ABHD16B: variants seen among roughly 807,000 people sequenced by gnomAD.
The protein encoded by ABHD16B is abhydrolase domain-containing protein 16B.
In ABHD16B, 14 loss-of-function variants were observed where a neutral mutation model predicts 10.5. That is an observed-to-expected ratio of 1.33 (90% CI 0.88 to 2.08). The LOEUF (loss-of-function observed/expected upper bound fraction) is 2.08, where lower values mean the gene tolerates loss of function less well. Among genes scored for constraint, ABHD16B ranks in the 30% most tolerant of loss-of-function variants. ABHD16B has a pLI of 0.00. For missense variants in ABHD16B, 763 were observed against 717.4 expected (o/e 1.06, Z -0.73); for synonymous variants, 374 against 337.9 (o/e 1.11, Z -1.17).
Position 63,862,547 on chromosome 20 carries a change from C to G in ABHD16B, c.1007C>G (p.Pro336Arg). ...STSGRLRPLS[P>R]GDVEGNRGNE... ...TCGGGCCGCCTGCGCCCCCTGTCAC[C>G]TGGTGACGTGGAGGGCAACCGGGGC... is the stretch of plus-strand genomic sequence containing the variant. The change falls in exon 1 of 1, where the codon CCT (proline) becomes CGT (arginine). Residue 336 changes from proline to arginine, a missense_variant. Transcript: ENST00000369916. The surrounding 1 kb of genome is among the most constrained non-coding windows in gnomAD (Gnocchi z 7.5). The G allele has an allele frequency of 6.4e-7, 1 of 1,572,292 alleles. No homozygotes were observed. Among genetic ancestry groups the G allele is most frequent in the Non-Finnish European group, 8.6e-7 (1 of 1,164,668 alleles).
chr20:63,861,776 C>T lies in ABHD16B; in HGVS notation c.236C>T (p.Ala79Val), dbSNP rs765475843. ...GCGCTGGGGCGGCCTCCACGTGGGG[C>T]GCGCAGCCAGGCGCAGTGCCTCTTG... ...GDALGRPPRG[A>V]RSQAQCLLQQ... Residue 79 changes from alanine (A) to valine (V), a missense_variant, in exon 1 of 1, where the codon GCG (alanine) becomes GTG (valine). Ala to Val is a moderately conservative substitution (Grantham distance 64). Transcript: ENST00000369916. This position sits in a 1 kb window ranked among gnomAD's most constrained non-coding sequence, Gnocchi z 5.4. 16 of 1,430,246 alleles carry T rather than the reference C, an allele frequency of 1.1e-5. No individual in the cohort carries two copies. In the East Asian group the frequency reaches 1.2e-4, roughly 10 times the overall value. The allele number at this position is 1,430,246 out of a possible 1,614,324, so 88.6% of individuals were successfully genotyped here. A position where few individuals can be genotyped will look rare whatever the true frequency, so the allele number is the denominator to read the frequency against.
Position 63,862,982 on chromosome 20 carries a change from G to C in ABHD16B, c.*32G>C, listed in dbSNP as rs752519439. 1.0e-5 allele frequency: 12 copies of C among 1,186,268 alleles called. No homozygotes were observed. The highest frequency in any genetic ancestry group is 4.2e-5 in the Admixed American group (1 of 23,792). The allele number at this position is 1,186,268 out of a possible 1,614,324, so 73.5% of individuals were successfully genotyped here. A position where few individuals can be genotyped will look rare whatever the true frequency, so the allele number is the denominator to read the frequency against. On this transcript the variant is annotated 3_prime_UTR_variant, in exon 1 of 1. Coordinates refer to ENST00000369916, the MANE Select transcript of ABHD16B (RefSeq NM_080622.4). The surrounding 1 kb of genome is among the most constrained non-coding windows in gnomAD (Gnocchi z 7.5). ...TGCCCCAGTGGGGGATCACGCACTTGAACTCCTGGCCTTCTTGGTTCACCT... is the reference window on the plus strand; with the variant it reads ...TGCCCCAGTGGGGGATCACGCACTTCAACTCCTGGCCTTCTTGGTTCACCT...
rs748828615 is a variant in ABHD16B at position 63,862,496 on chromosome 20, G to A, written c.956G>A (p.Arg319His). Residue 319 changes from arginine (R) to histidine (H), a missense_variant, in exon 1 of 1, where the codon CGC becomes CAC. Physicochemically the swap from Arg to His is conservative, Grantham distance 29. Coordinates refer to ENST00000369916, the MANE Select transcript of ABHD16B (RefSeq NM_080622.4). The surrounding 1 kb of genome is among the most constrained non-coding windows in gnomAD (Gnocchi z 7.5). ...CCGGGGCCGGTGCTGCTGCTCCGAC[G>A]CACGCAGGATGACGTGGTCAGCACT... ...CYPGPVLLLR[R>H]TQDDVVSTSG... The A allele has an allele frequency of 8.9e-6, 14 of 1,565,412 alleles. No homozygotes were observed. The East Asian group carries it at 1.2e-4, about 13-fold the overall frequency.
rs527950014 is a variant in ABHD16B, at chr20:63,862,470, C to A, written c.930C>A (p.Tyr310Ter). The part of the protein sequence containing the change: ...NLNVAEQLCC[Y>*]PGPVLLLRRT... Reference sequence around the variant, plus strand: ...ACGTGGCCGAGCAGCTGTGCTGCTACCCGGGGCCGGTGCTGCTGCTCCGAC... The same window carrying A: ...ACGTGGCCGAGCAGCTGTGCTGCTAACCGGGGCCGGTGCTGCTGCTCCGAC... The change falls in exon 1 of 1, where the codon TAC (tyrosine) becomes TAA (stop). Residue 310 changes from tyrosine to a stop codon, truncating the protein, a stop_gained. Coordinates refer to ENST00000369916, the MANE Select transcript of ABHD16B (RefSeq NM_080622.4). LOFTEE classifies it low-confidence loss of function (END_TRUNC). This position sits in a 1 kb window ranked among gnomAD's most constrained non-coding sequence, Gnocchi z 7.5. 6.4e-6 allele frequency: 10 copies of A among 1,564,702 alleles called. No homozygotes were observed. The highest frequency in any genetic ancestry group is 8.6e-6 in the Non-Finnish European group (10 of 1,160,392).
chr20:63,862,404 G>C lies in ABHD16B; in HGVS notation c.864G>C (p.Lys288Asn). ...LALKVMPHSW[K>N]GLVVRTVREH... The stretch of plus-strand genomic sequence containing the variant: ...TGAAGGTCATGCCCCACAGTTGGAA[G>C]GGGCTGGTGGTGCGCACCGTGCGCG... The change falls in exon 1 of 1, where the codon AAG becomes AAC. Residue 288 changes from lysine (K) to asparagine (N), a missense_variant. Physicochemically the swap from Lys to Asn is moderately conservative, Grantham distance 94. Coordinates refer to ENST00000369916, the MANE Select transcript of ABHD16B (RefSeq NM_080622.4). This position sits in a 1 kb window ranked among gnomAD's most constrained non-coding sequence, Gnocchi z 7.5. The C allele has an allele frequency of 1.9e-6, 3 of 1,598,260 alleles. No homozygotes were observed. The highest frequency in any genetic ancestry group is 2.6e-6 in the Non-Finnish European group (3 of 1,174,258).
In ABHD16B at chr20:63,861,890, C is replaced by A. The variant is rs1312489186; in HGVS notation, c.350C>A (p.Ser117Tyr). ...GRWLVYPGSVSLMTRALLPLL... is the reference protein window; with the variant it reads ...GRWLVYPGSVYLMTRALLPLL... ...TGGCTCGTGTACCCCGGCTCCGTGT[C>A]CCTGATGACGCGCGCGCTGCTGCCG... The change falls in exon 1 of 1, where the codon TCC becomes TAC. Residue 117 changes from serine (S) to tyrosine (Y), a missense_variant. Ser to Tyr is a moderately radical substitution (Grantham distance 144). Transcript: ENST00000369916. This position sits in a 1 kb window ranked among gnomAD's most constrained non-coding sequence, Gnocchi z 5.4. 1.9e-6 allele frequency: 3 copies of A among 1,581,190 alleles called. No individual in the cohort carries two copies. Among genetic ancestry groups the A allele is most frequent in the African/African-American group, 1.3e-5 (1 of 74,284 alleles).
At position 63,861,861 on chromosome 20, in the gene ABHD16B, C is replaced by T. The variant is rs1600759983; in HGVS notation, c.321C>T (p.Gly107=). Residue 107 remains glycine, a synonymous_variant, in exon 1 of 1, where the codon GGC becomes GGT. Transcript: ENST00000369916. The surrounding 1 kb of genome is among the most constrained non-coding windows in gnomAD (Gnocchi z 5.4). ...LASYALAHSL[G]RWLVYPGSVS... ...GCTACGCGCTGGCCCACTCGCTGGG[C>T]CGCTGGCTCGTGTACCCCGGCTCCG... 1.3e-6 allele frequency: 2 copies of T among 1,535,680 alleles called. No individual in the cohort carries two copies. Among genetic ancestry groups the T allele is most frequent in the African/African-American group, 1.4e-5 (1 of 73,478 alleles).
At position 63,862,526 on chromosome 20, in the gene ABHD16B, G is replaced by T. The variant is rs1432289870; in HGVS notation, c.986G>T (p.Gly329Val). Residue 329 changes from glycine (G) to valine (V), a missense_variant, in exon 1 of 1, where the codon GGC becomes GTC. Gly to Val is a moderately radical substitution (Grantham distance 109). Transcript: ENST00000369916. This position sits in a 1 kb window ranked among gnomAD's most constrained non-coding sequence, Gnocchi z 7.5. ...CAGGATGACGTGGTCAGCACTTCGG[G>T]CCGCCTGCGCCCCCTGTCACCTGGT... ...RTQDDVVSTS[G>V]RLRPLSPGDV... 1 of 1,568,624 alleles carries T rather than the reference G, an allele frequency of 6.4e-7. No individual in the cohort carries two copies.
chr20:63,861,879 C>A lies in ABHD16B; in HGVS notation c.339C>A (p.Pro113=), dbSNP rs775337797. 42 of 1,575,638 alleles carry A rather than the reference C, an allele frequency of 2.7e-5. No homozygotes were observed. The highest frequency in any genetic ancestry group is 3.5e-5 in the Non-Finnish European group (41 of 1,167,962). The change falls in exon 1 of 1, where the codon CCC becomes CCA. Residue 113 remains proline (P), a synonymous_variant. Coordinates refer to ENST00000369916, the MANE Select transcript of ABHD16B (RefSeq NM_080622.4). The surrounding 1 kb of genome is among the most constrained non-coding windows in gnomAD (Gnocchi z 5.4). ...CGCTGGGCCGCTGGCTCGTGTACCC[C>A]GGCTCCGTGTCCCTGATGACGCGCG... ...AHSLGRWLVY[P]GSVSLMTRAL... is the part of the protein sequence containing the mutation.
chr20:63,862,677 G>A lies in ABHD16B; in HGVS notation c.1137G>A (p.Gln379=), dbSNP rs777348156. The A allele has an allele frequency of 2.2e-4, 343 of 1,535,614 alleles. No homozygotes were observed. The highest frequency in any genetic ancestry group is 2.8e-4 in the Non-Finnish European group (318 of 1,145,672). The part of the protein sequence containing the change: ...TRWLRAGSLA[Q]EAAFYARYRV... ...GGCTGCGCGCTGGCAGCTTGGCGCAGGAGGCCGCCTTCTATGCACGCTACC... is the reference window on the plus strand; with the variant it reads ...GGCTGCGCGCTGGCAGCTTGGCGCAAGAGGCCGCCTTCTATGCACGCTACC... Residue 379 remains glutamine, a synonymous_variant, in exon 1 of 1, where the codon CAG becomes CAA. Transcript: ENST00000369916. The surrounding 1 kb of genome is among the most constrained non-coding windows in gnomAD (Gnocchi z 7.5).
Position 63,862,425 on chromosome 20 carries a change from G to GC in ABHD16B, c.886dup (p.Arg296ProfsTer28). On this transcript the variant is annotated frameshift_variant, in exon 1 of 1. Transcript: ENST00000369916. LOFTEE classifies it low-confidence loss of function (END_TRUNC). This position sits in a 1 kb window ranked among gnomAD's most constrained non-coding sequence, Gnocchi z 7.5. ...GGAAGGGGCTGGTGGTGCGCACCGT[G>GC]CGCGAGCACTTCAACCTCAACGTGG... The GC allele has an allele frequency of 6.3e-7, 1 of 1,583,370 alleles. No individual in the cohort carries two copies. Among genetic ancestry groups the GC allele is most frequent in the Non-Finnish European group, 8.6e-7 (1 of 1,168,182 alleles).
Position 63,862,811 on chromosome 20 carries a change from G to C in ABHD16B, c.1271G>C (p.Trp424Ser). ...ALGPHGPAFP[W>S]LVGQGLSSRR... Reference sequence around the variant, plus strand: ...GGGCCACACGGACCCGCCTTCCCATGGCTGGTGGGCCAGGGCCTGAGCTCG... The same window carrying C: ...GGGCCACACGGACCCGCCTTCCCATCGCTGGTGGGCCAGGGCCTGAGCTCG... The change falls in exon 1 of 1, where the codon TGG becomes TCG. Residue 424 changes from tryptophan (W) to serine (S), a missense_variant. Transcript: ENST00000369916. This position sits in a 1 kb window ranked among gnomAD's most constrained non-coding sequence, Gnocchi z 7.5. 1.3e-6 allele frequency: 2 copies of C among 1,535,070 alleles called. No individual in the cohort carries two copies. Among genetic ancestry groups the C allele is most frequent in the Non-Finnish European group, 1.7e-6 (2 of 1,145,312 alleles).
Position 63,861,525 on chromosome 20 carries a change from G to A in ABHD16B, c.-16G>A, listed in dbSNP as rs373989447. 4.5e-6 allele frequency: 7 copies of A among 1,541,552 alleles called. No homozygotes were observed. The highest frequency in any genetic ancestry group is 4.9e-5 in the East Asian group (2 of 41,000). ...GGCGATCCCGGCCCAGCGGCTGGGC[G>A]TTAGGGCCACCGCTCATGTGCGTCA... On this transcript the variant is annotated 5_prime_UTR_variant, in exon 1 of 1. Coordinates refer to ENST00000369916, the MANE Select transcript of ABHD16B (RefSeq NM_080622.4). The surrounding 1 kb of genome is among the most constrained non-coding windows in gnomAD (Gnocchi z 5.4).
In ABHD16B at chr20:63,862,248, C is replaced by A; in HGVS notation, c.708C>A (p.Phe236Leu). The A allele has an allele frequency of 1.9e-6, 3 of 1,611,920 alleles. No individual in the cohort carries two copies. The highest frequency in any genetic ancestry group is 2.5e-6 in the Non-Finnish European group (3 of 1,179,686). ...AGTACGCACTGCACCGCCTGCACTT[C>A]CCGCCCGCGCACCTGGTGGTCTACG... Reference protein sequence around the residue: ...VVEYALHRLHFPPAHLVVYGW... With the variant: ...VVEYALHRLHLPPAHLVVYGW... The change falls in exon 1 of 1, where the codon TTC becomes TTA. Residue 236 changes from phenylalanine (F) to leucine (L), a missense_variant. Transcript: ENST00000369916. The surrounding 1 kb of genome is among the most constrained non-coding windows in gnomAD (Gnocchi z 7.5).
Position 63,862,204 on chromosome 20 carries a change from G to A in ABHD16B, c.664G>A (p.Ala222Thr). 4.3e-6 allele frequency: 7 copies of A among 1,611,296 alleles called. No individual in the cohort carries two copies. The highest frequency in any genetic ancestry group is 5.9e-6 in the Non-Finnish European group (7 of 1,179,622). ...GVPFPQHDAN[A>T]MDVVVEYALH... ...GCCCTTCCCTCAGCACGACGCCAAC[G>A]CCATGGACGTGGTGGTCGAGTACGC... Residue 222 changes from alanine to threonine, a missense_variant, in exon 1 of 1, where the codon GCC becomes ACC. Coordinates refer to ENST00000369916, the MANE Select transcript of ABHD16B (RefSeq NM_080622.4). This position sits in a 1 kb window ranked among gnomAD's most constrained non-coding sequence, Gnocchi z 7.5.
At position 63,861,615 on chromosome 20, in the gene ABHD16B, A is replaced by G; in HGVS notation, c.75A>G (p.Pro25=). ...ACCTGACCGCCAGCTACACCTACCCATTCCGCGGCTGGCCCGTGGCCTTCC... is the reference window on the plus strand; with the variant it reads ...ACCTGACCGCCAGCTACACCTACCCGTTCCGCGGCTGGCCCGTGGCCTTCC... The part of the protein sequence containing the change: ...KIYLTASYTY[P]FRGWPVAFRW... Residue 25 remains proline, a synonymous_variant, in exon 1 of 1, where the codon CCA becomes CCG. Coordinates refer to ENST00000369916, the MANE Select transcript of ABHD16B (RefSeq NM_080622.4). This position sits in a 1 kb window ranked among gnomAD's most constrained non-coding sequence, Gnocchi z 5.4. 1.3e-6 allele frequency: 2 copies of G among 1,554,230 alleles called. No individual in the cohort carries two copies. Among genetic ancestry groups the G allele is most frequent in the Admixed American group, 1.9e-5 (1 of 52,444 alleles).
rs778058295 is a variant in ABHD16B at position 63,861,913 on chromosome 20, C to A, written c.373C>A (p.Pro125Thr). The A allele has an allele frequency of 1.9e-6, 3 of 1,590,064 alleles. No homozygotes were observed. Among genetic ancestry groups the A allele is most frequent in the Non-Finnish European group, 2.6e-6 (3 of 1,174,424 alleles). Residue 125 changes from proline (P) to threonine (T), a missense_variant, in exon 1 of 1, where the codon CCG (proline) becomes ACG (threonine). Coordinates refer to ENST00000369916, the MANE Select transcript of ABHD16B (RefSeq NM_080622.4). The surrounding 1 kb of genome is among the most constrained non-coding windows in gnomAD (Gnocchi z 5.4). ...SVSLMTRALL[P>T]LLQQGQERLV... ...GTCCCTGATGACGCGCGCGCTGCTG[C>A]CGCTGCTGCAGCAGGGCCAAGAGCG... is the stretch of plus-strand genomic sequence containing the variant.
In ABHD16B at chr20:63,862,660, G is replaced by GC; in HGVS notation, c.1121dup (p.Gly375TrpfsTer87). 6.5e-7 allele frequency: 1 copy of GC among 1,536,926 alleles called. No homozygotes were observed. ...CGCCGTCGTCACCCGCTGGCTGCGC[G>GC]CTGGCAGCTTGGCGCAGGAGGCCGC... is the stretch of plus-strand genomic sequence containing the variant. On this transcript the variant is annotated frameshift_variant, in exon 1 of 1. Transcript: ENST00000369916. LOFTEE classifies it low-confidence loss of function (END_TRUNC). This position sits in a 1 kb window ranked among gnomAD's most constrained non-coding sequence, Gnocchi z 7.5.
rs942740330 is a variant in ABHD16B at position 63,861,954 on chromosome 20, C to A, written c.414C>A (p.Tyr138Ter). 3 of 1,598,028 alleles carry A rather than the reference C, an allele frequency of 1.9e-6. No homozygotes were observed. Among genetic ancestry groups the A allele is most frequent in the Admixed American group, 1.7e-5 (1 of 59,788 alleles). ...GCCAAGAGCGCCTCGTGGAGCGCTACCACGGCCGGCGCGCCAAGCTGGTGG... is the reference window on the plus strand; with the variant it reads ...GCCAAGAGCGCCTCGTGGAGCGCTAACACGGCCGGCGCGCCAAGCTGGTGG... Reference protein sequence around the residue: ...QQGQERLVERYHGRRAKLVAC... With the variant: ...QQGQERLVER The change falls in exon 1 of 1, where the codon TAC becomes TAA. Residue 138 changes from tyrosine to a stop codon, truncating the protein, a stop_gained. Transcript: ENST00000369916. LOFTEE classifies it high-confidence loss of function. This position sits in a 1 kb window ranked among gnomAD's most constrained non-coding sequence, Gnocchi z 5.4.
Sources: gnomAD v4.1 joint callset for allele counts on GRCh38, gnomAD v4.1.1 for gene constraint, Gnocchi (gnomAD v3.1) non-coding constraint, MANE v1.5 for transcripts, NCBI Gene and HGNC (gene_info 2026-07-23, HGNC 2026-07-21) for gene names.